SCAPER: variants seen among roughly 807,000 people sequenced by gnomAD.
SCAPER encodes the protein S-phase cyclin A associated protein in the ER.
In SCAPER, 98 loss-of-function variants were observed where a neutral mutation model predicts 182.2. The observed-to-expected ratio is 0.54, with a 90% CI of 0.46 to 0.64. The LOEUF is 0.64. Ranked by LOEUF, SCAPER falls within the 30% of genes least tolerant of loss-of-function variation. The pLI is 0.00. For synonymous variants in SCAPER, 605 were observed against 564.6 expected (o/e 1.07, Z -1.01); for missense variants, 1,432 against 1,690.0 (o/e 0.85, Z 2.68).
chr15:76,788,518 T>C (rs1404690832), intron 8 of SCAPER, among the ~76,000 whole-genome samples: 1 of 152,184 alleles, frequency 6.6e-6, no homozygotes, highest in African/African-American at 2.4e-5. Context: ...AAAATTTTAT[T>C]TTCAGGAGAA....
At chr15:76,392,699 C>T (rs1026676471) in intron 27 of SCAPER, among the ~76,000 whole-genome samples, 2 of 152,158 alleles carry the variant, frequency 1.3e-5, no homozygotes, top group Non-Finnish European at 1.5e-5. Context: ...TGCAGTAAGC[C>T]GTGATCACTC....
chr15:76,572,396 G>C (rs1567493273), intron 23 of SCAPER, among the ~76,000 whole-genome samples: 1 of 152,166 alleles, frequency 6.6e-6, no homozygotes, highest in East Asian at 1.9e-4. Flanking sequence ...GCAAATGTGT[G>C]ACAAGTACTA....
intron 1 of SCAPER, among the ~76,000 whole-genome samples, chr15:76,897,278 A>G (rs1244566232): frequency 6.6e-6 from 1 of 152,190 alleles, no homozygotes; most frequent in Non-Finnish European, 1.5e-5. Flanking sequence ...TACAACTTCA[A>G]AAACCTGTAA....
At chr15:76,485,885 C>T (rs897190511) in intron 24 of SCAPER, among the ~76,000 whole-genome samples, 4 of 152,106 alleles carry the variant, frequency 2.6e-5, no homozygotes, top group Admixed American at 6.5e-5. Context: ...AAAATTAACT[C>T]GAGATGGATT....
intron 9 of SCAPER, among the ~76,000 whole-genome samples, chr15:76,772,374 A>G (rs2063520879): frequency 6.6e-6 from 1 of 152,058 alleles, no homozygotes; most frequent in Non-Finnish European, 1.5e-5. Flanking sequence ...AAATGAGGAC[A>G]TTCAGTACTT....
intron 20 of SCAPER, among the ~76,000 whole-genome samples, chr15:76,667,491 A>G (rs2056668876): frequency 1.3e-5 from 2 of 151,852 alleles, no homozygotes; most frequent in Admixed American, 1.3e-4. Flanking sequence ...TCTAGTTCTG[A>G]CCTCTCTCCT....
intron 22 of SCAPER, among the ~76,000 whole-genome samples, chr15:76,590,542 T>A (rs557816022): frequency 2.6e-5 from 4 of 152,130 alleles, no homozygotes; most frequent in African/African-American, 7.2e-5. Flanking sequence ...AAAAAACAGA[T>A]GTTGATGGGG....
intron 4 of SCAPER, among the ~76,000 whole-genome samples, chr15:76,854,281 A>C (rs2071094543): frequency 1.3e-5 from 2 of 152,018 alleles, no homozygotes; most frequent in South Asian, 4.2e-4. Flanking sequence ...AAAAACAAAA[A>C]CAAAAAAGTC....
rs147733404 is a variant in SCAPER at position 76,739,581 on chromosome 15, T to C, written c.1867-6197A>G. Among the ~76,000 whole-genome samples the C allele has an allele frequency of 2.4e-3, 366 of 152,326 alleles. 2 individuals are homozygous for C. The highest frequency in any genetic ancestry group is 8.4e-3 in the African/African-American group (348 of 41,578). Reference sequence around the variant, plus strand: ...ATGGATATACTGGACAAAGGAATGATTTACGTCCGGGACATAACTATACAA... The same window carrying C: ...ATGGATATACTGGACAAAGGAATGACTTACGTCCGGGACATAACTATACAA... On this transcript the variant is annotated intron_variant, in intron 15 of 31. Coordinates refer to ENST00000563290, the MANE Select transcript of SCAPER (RefSeq NM_020843.4).
At chr15:76,833,618 GC>G (rs1309086365) in intron 5 of SCAPER, among the ~76,000 whole-genome samples, 1 of 152,104 alleles carries the variant, frequency 6.6e-6, no homozygotes, top group Non-Finnish European at 1.5e-5. Context: ...TTCAAAAGAC[GC>G]ATCTCACATG....
At chr15:76,473,268 T>G (rs946752940) in intron 24 of SCAPER, among the ~76,000 whole-genome samples, 1 of 152,220 alleles carries the variant, frequency 6.6e-6, no homozygotes, top group African/African-American at 2.4e-5. Flanking sequence ...GAAGGGAGTT[T>G]GAAAGTTGTT....
chr15:76,536,287 A>AT (rs1474317345), intron 23 of SCAPER, among the ~76,000 whole-genome samples: 1 of 152,174 alleles, frequency 6.6e-6, no homozygotes, highest in African/African-American at 2.4e-5. Context: ...TCAGCTCAAG[A>AT]GTTCACATCC....
At chr15:76,820,734 TATAATA>T (rs769701135) in intron 5 of SCAPER, among the ~76,000 whole-genome samples, 16 of 150,370 alleles carry the variant, frequency 1.1e-4, no homozygotes, top group African/African-American at 3.7e-4. Context: ...AAACTTAAAG[TATAATA>T]ATAATAAAAT....
chr15:76,484,286 G>A (rs528576207), intron 24 of SCAPER, among the ~76,000 whole-genome samples: 21 of 151,956 alleles, frequency 1.4e-4, no homozygotes, highest in Non-Finnish European at 2.6e-4. Context: ...TTCTGGAAAT[G>A]GTAAAACTAT....
chr15:76,390,965 T>C (rs2043652953), intron 27 of SCAPER, among the ~76,000 whole-genome samples: 1 of 152,206 alleles, frequency 6.6e-6, no homozygotes, highest in Non-Finnish European at 1.5e-5. Flanking sequence ...ACAGATGCTT[T>C]TTTACTTTTT....
At chr15:76,606,227 T>C (rs920842454) in intron 22 of SCAPER, among the ~76,000 whole-genome samples, 1 of 152,202 alleles carries the variant, frequency 6.6e-6, no homozygotes, top group African/African-American at 2.4e-5. Context: ...TGTGTCTTTG[T>C]TCTCATTGGT....
intron 10 of SCAPER, among the ~76,000 whole-genome samples, chr15:76,768,224 T>C (rs576329588): frequency 6.6e-5 from 10 of 152,176 alleles, no homozygotes; most frequent in African/African-American, 2.4e-4. Flanking sequence ...AAATAAAAAA[T>C]GTGCCCACAC....
At chr15:76,551,332 G>C (rs1294155681) in intron 23 of SCAPER, among the ~76,000 whole-genome samples, 4 of 152,052 alleles carry the variant, frequency 2.6e-5, no homozygotes, top group African/African-American at 4.8e-5. Context: ...TGAATGGATG[G>C]ATAAAAAACT....
At chr15:76,450,445 G>C (rs568147010) in intron 25 of SCAPER, among the ~76,000 whole-genome samples, 1 of 152,302 alleles carries the variant, frequency 6.6e-6, no homozygotes, top group African/African-American at 2.4e-5. Flanking sequence ...CTTTTGGAAA[G>C]AGTATTTTTT....
Sources: allele counts gnomAD v4.1 joint callset (sites outside exome capture counted in the v4.1 genomes callset), GRCh38; gene constraint gnomAD v4.1.1; transcripts MANE v1.5; gene names NCBI Gene and HGNC (gene_info 2026-07-23, HGNC 2026-07-21).